The following ZNF3 variants were observed in gnomAD, a reference collection of about 807,000 sequenced individuals.
ZNF3 encodes zinc finger protein 3.
ZNF3 carries 16 observed loss-of-function variants against 36.9 expected under a neutral mutation model. The ratio of observed to expected loss-of-function variants is 0.43; its 90% CI spans 0.29 to 0.66. The LOEUF (loss-of-function observed/expected upper bound fraction) is 0.66, where lower values mean the gene tolerates loss of function less well. Among genes scored for constraint, ZNF3 ranks in the 30% least tolerant of loss-of-function variants. ZNF3 has a pLI of 0.13. For missense variants in ZNF3, 462 were observed against 543.1 expected, an observed-to-expected ratio of 0.85 and a Z score of 1.48; for synonymous variants, 201 against 201.9, an observed-to-expected ratio of 1.00 and a Z score of 0.04.
At position 100,070,420 on chromosome 7, in the gene ZNF3, C is replaced by G. The variant is rs1792946797; in HGVS notation, c.*723G>C. On this transcript the variant is annotated 3_prime_UTR_variant, in exon 6 of 6. Transcript: ENST00000299667. ...GAGGCCAACGCTAAGTGCTTCTGAC[C>G]CTCTCCCTCACAGCCGGTTACTAGC... 1.0e-6 allele frequency: 1 copy of G among 985,386 alleles called. No individual in the cohort carries two copies. The highest frequency in any genetic ancestry group is 4.7e-5 in the South Asian group (1 of 21,286). The allele number at this position is 985,386 out of a possible 1,614,324, so 61.0% of individuals were successfully genotyped here. A position where few individuals can be genotyped will look rare whatever the true frequency, so the allele number is the denominator to read the frequency against.
exon 6 of ZNF3, chr7:100,064,355 C>G (rs1467257916): frequency 9.9e-6 from 16 of 1,614,004 alleles, no homozygotes; most frequent in Non-Finnish European, 1.3e-5. Context: ...GGGGAGAAGC[C>G]TTATCAGTGT....
rs1017269481 is a variant in ZNF3 at position 100,070,402 on chromosome 7, A to G, written c.*741T>C. The G allele has an allele frequency of 1.5e-5, 15 of 985,300 alleles. No individual in the cohort carries two copies. In the Admixed American group the frequency reaches 4.3e-4, roughly 28 times the overall value. The allele number at this position is 985,300 out of a possible 1,614,324, so 61.0% of individuals were successfully genotyped here. ...AAGAGAGGACAGCAATCAGAGGCCA[A>G]CGCTAAGTGCTTCTGACCCTCTCCC... On this transcript the variant is annotated 3_prime_UTR_variant, in exon 6 of 6. Coordinates refer to ENST00000299667, the MANE Select transcript of ZNF3 (RefSeq NM_032924.5).
chr7:100,069,256 C>G (rs1792804591), downstream of ZNF3, among the ~76,000 whole-genome samples: 2 of 152,080 alleles, frequency 1.3e-5, no homozygotes, highest in Admixed American at 1.3e-4. Context: ...CTGTACCTAG[C>G]CTATAAAGAA....
chr7:100,072,303 G>A, intron 5 of ZNF3, 91 bp from the exon 6 acceptor site: 1 of 1,209,920 alleles, frequency 8.3e-7, no homozygotes, highest in Non-Finnish European at 1.1e-6. Flanking sequence ...AATACTTACA[G>A]TGCCAAAAGC....
At position 100,077,325 on chromosome 7, in the gene ZNF3, T is replaced by A. The variant is rs1794286659; in HGVS notation, c.33A>T (p.Glu11Asp). The change falls in exon 3 of 6, where the codon GAA becomes GAT. Residue 11 changes from glutamate (E) to aspartate (D), a missense_variant. Glu to Asp is a conservative substitution (Grantham distance 45, BLOSUM62 2). Coordinates refer to ENST00000299667, the MANE Select transcript of ZNF3 (RefSeq NM_032924.5). METQADLVSQ[E>D]PQALLDSALP... ...CACCACTGTCAAGCAGGGCCTGAGG[T>A]TCCTGAGATACGAGATCAGCCTGAG... 1.2e-6 allele frequency: 2 copies of A among 1,613,520 alleles called. No homozygotes were observed. The highest frequency in any genetic ancestry group is 1.7e-6 in the Non-Finnish European group (2 of 1,179,898).
chr7:100,072,302 A>C, intron 5 of ZNF3, 90 bp from the exon 6 acceptor site: 5 of 1,217,978 alleles, frequency 4.1e-6, no homozygotes, highest in Non-Finnish European at 5.7e-6. Context: ...GAATACTTAC[A>C]GTGCCAAAAG....
Position 100,071,580 on chromosome 7 carries a change from G to A in ZNF3, c.904C>T (p.His302Tyr). 2.5e-6 allele frequency: 4 copies of A among 1,614,038 alleles called. No individual in the cohort carries two copies. Among genetic ancestry groups the A allele is most frequent in the Non-Finnish European group, 3.4e-6 (4 of 1,180,008 alleles). Residue 302 changes from histidine to tyrosine, a missense_variant, in exon 6 of 6, where the codon CAT (histidine) becomes TAT (tyrosine). Physicochemically the swap from His to Tyr is moderately conservative, Grantham distance 83 (BLOSUM62 2). Coordinates refer to ENST00000299667, the MANE Select transcript of ZNF3 (RefSeq NM_032924.5). ...TTCTCACCAGTGTGGATTCTCTGAT[G>A]GTGGGTGAGGGTGGAGCTCCAGCTG... ...TFSWSSTLTHHQRIHTGEKPY... is the reference protein window; with the variant it reads ...TFSWSSTLTHYQRIHTGEKPY...
rs747215366 is a variant in ZNF3 at position 100,075,186 on chromosome 7, C to A, written c.220G>T (p.Asp74Tyr). The A allele has an allele frequency of 1.9e-6, 3 of 1,614,156 alleles. No homozygotes were observed. In the Admixed American group the frequency reaches 5.0e-5, roughly 27 times the overall value. ...EWKRLEPAQR[D>Y]LYRDVMLENY... ...TCCAGCATCACATCTCTATAGAGGT[C>A]CCTCTGAGCAGGTTCCAAACGCTTC... Residue 74 changes from aspartate to tyrosine, a missense_variant, in exon 5 of 6, where the codon GAC (aspartate) becomes TAC (tyrosine). Physicochemically the swap from Asp to Tyr is radical, Grantham distance 160. Coordinates refer to ENST00000299667, the MANE Select transcript of ZNF3 (RefSeq NM_032924.5).
At chr7:100,068,040 A>G (rs560886346), downstream of ZNF3, among the ~76,000 whole-genome samples, 3 of 152,320 alleles carry the variant, frequency 2.0e-5, no homozygotes, top group South Asian at 6.2e-4. Flanking sequence ...TCTGCAGTCC[A>G]CTGGAGACCC....
At chr7:100,076,664 C>A (rs1267705179) in intron 3 of ZNF3, among the ~76,000 whole-genome samples, 1 of 152,100 alleles carries the variant, frequency 6.6e-6, no homozygotes, top group Non-Finnish European at 1.5e-5. Context: ...TTCCGAAGCG[C>A]CTCCTCTAAA....
rs1425427054 is a variant in ZNF3 at position 100,079,620 on chromosome 7, A to C, written c.-161T>G. The C allele has an allele frequency of 6.6e-6, 1 of 152,200 alleles. No homozygotes were observed. The highest frequency in any genetic ancestry group is 1.5e-5 in the Non-Finnish European group (1 of 68,034). The allele number at this position is 152,200 out of a possible 1,614,324, so 9.4% of individuals were successfully genotyped here. On this transcript the variant is annotated 5_prime_UTR_variant, in exon 2 of 6. Coordinates refer to ENST00000299667, the MANE Select transcript of ZNF3 (RefSeq NM_032924.5). ...ACTGGGAATTTAGCAGCCTCTGTTC[A>C]AGTTCCCGGGAATTCTGACTTTTGT...
chr7:100,069,707 G>A (rs916070143), downstream of ZNF3, among the ~76,000 whole-genome samples: 5 of 151,874 alleles, frequency 3.3e-5, no homozygotes, highest in Middle Eastern at 3.4e-3. Flanking sequence ...TGCGCCTCCC[G>A]GGTTCAAGTA....
At chr7:100,069,139 T>G (rs1280335660), downstream of ZNF3, among the ~76,000 whole-genome samples, 1 of 152,068 alleles carries the variant, frequency 6.6e-6, no homozygotes, top group Admixed American at 6.6e-5. Flanking sequence ...TAATTTTTTT[T>G]TTTTAATTTT....
In ZNF3 at chr7:100,077,413, TTAAAAGAGAA is replaced by T. The variant is rs1304196009; in HGVS notation, c.-66_-57del. The T allele has an allele frequency of 2.5e-6, 4 of 1,612,466 alleles. No homozygotes were observed. The East Asian group carries it at 8.9e-5, about 36-fold the overall frequency. On this transcript the variant is annotated 5_prime_UTR_variant, in exon 3 of 6. Transcript: ENST00000299667. ...GTGCAGACTCAGCGGGAAGCGGGTT[TTAAAAGAGAA>T]TGAGGAAGCACTGCAGAAGCAAAAG...
chr7:100,068,316 G>A (rs570412362), downstream of ZNF3, among the ~76,000 whole-genome samples: 10 of 151,610 alleles, frequency 6.6e-5, no homozygotes, highest in East Asian at 2.0e-4. Flanking sequence ...CTCTCACCTC[G>A]TGATCCGCCC....
chr7:100,068,361 T>C (rs979809571), downstream of ZNF3, among the ~76,000 whole-genome samples: 2 of 150,234 alleles, frequency 1.3e-5, no homozygotes, highest in African/African-American at 4.9e-5. Context: ...ATTACAGCCA[T>C]GAGAACACAG....
At chr7:100,075,456 T>C (rs780001424) in intron 4 of ZNF3, 86 bp downstream of exon 4, 50 of 1,543,616 alleles carry the variant, frequency 3.2e-5, no homozygotes, top group Non-Finnish European at 4.3e-5. Flanking sequence ...ATGGGCCTGA[T>C]GGAGGAGATC....
Position 100,070,918 on chromosome 7 carries a change from G to A in ZNF3, c.*225C>T. On this transcript the variant is annotated 3_prime_UTR_variant, in exon 6 of 6. Transcript: ENST00000299667. ...AACTCCTTTCCTAAATGGGGTAACT[G>A]GTCCCAGAGCTGCTTTCTATTCCCA... 7.5e-7 allele frequency: 1 copy of A among 1,333,058 alleles called. No homozygotes were observed. Among genetic ancestry groups the A allele is most frequent in the South Asian group, 2.2e-5 (1 of 46,242 alleles). The allele number at this position is 1,333,058 out of a possible 1,614,324, so 82.6% of individuals were successfully genotyped here.
intron 1 of ZNF3, among the ~76,000 whole-genome samples, chr7:100,079,962 C>T (rs560868611): frequency 6.6e-6 from 1 of 152,156 alleles, no homozygotes; most frequent in South Asian, 2.1e-4. Flanking sequence ...CTCAGCCTCC[C>T]AAAGTGCTGG....
Sources: gnomAD v4.1 joint callset for allele counts (sites outside exome capture counted in the v4.1 genomes callset) on GRCh38, gnomAD v4.1.1 for gene constraint, MANE v1.5 for transcripts, NCBI Gene and HGNC (gene_info 2026-07-23, HGNC 2026-07-21) for gene names.